The following SGCD variants were observed in gnomAD, a reference collection of about 807,000 sequenced individuals.
The protein encoded by SGCD is sarcoglycan delta.
In SGCD, 18 loss-of-function variants were observed where a neutral mutation model predicts 36.6. The observed-to-expected ratio is 0.49, with a 90% confidence interval of 0.34 to 0.73. SGCD has a LOEUF of 0.73. SGCD is among the 30% of genes least tolerant of loss of function. The probability of loss-of-function intolerance (pLI) is 0.01; values close to 1 mark genes in which losing one functional copy is unlikely to be tolerated. For synonymous variants in SGCD, 133 were observed against 130.6 expected (o/e 1.02, Z -0.12); for missense variants, 387 against 346.7 (o/e 1.12, Z -0.92).
At chr5:156,488,330 T>C (rs1296717554) in intron 3 of SGCD, among the ~76,000 whole-genome samples, 2 of 151,890 alleles carry the variant, frequency 1.3e-5, no homozygotes, top group African/African-American at 4.8e-5. Context: ...ACCCCCCAAA[T>C]GGATTCAACC....
intron 3 of SGCD, among the ~76,000 whole-genome samples, chr5:156,273,882 T>C (rs1234687062): frequency 6.6e-6 from 1 of 152,168 alleles, no homozygotes; most frequent in Non-Finnish European, 1.5e-5. Context: ...ATGTTTTTTG[T>C]TGGGAGCGTA....
chr5:156,643,490 T>G (rs1440430767), intron 6 of SGCD, among the ~76,000 whole-genome samples: 1 of 152,042 alleles, frequency 6.6e-6, no homozygotes, highest in East Asian at 1.9e-4. Context: ...GTGCTCCTCT[T>G]CTGGTACACA....
At chr5:156,590,177 C>T (rs189847138) in intron 5 of SGCD, among the ~76,000 whole-genome samples, 4 of 152,256 alleles carry the variant, frequency 2.6e-5, no homozygotes, top group African/African-American at 9.6e-5. Context: ...AAGCCAGTTA[C>T]CCAAATGCCT....
the SGCD span, among the ~76,000 whole-genome samples, chr5:155,834,859 G>A: frequency 1.4e-4 from 21 of 149,028 alleles, no homozygotes; most frequent in African/African-American, 4.7e-4. Flanking sequence ...TTCGTGAGAC[G>A]GACTCTCACT....
At chr5:155,935,499 A>C (rs1186411001) in intron 1 of SGCD, among the ~76,000 whole-genome samples, 1 of 152,230 alleles carries the variant, frequency 6.6e-6, no homozygotes, top group Non-Finnish European at 1.5e-5. Context: ...GAAGTAATGT[A>C]AAAGAATAAT....
At chr5:155,899,548 T>C (rs1756341462) in intron 1 of SGCD, among the ~76,000 whole-genome samples, 1 of 152,202 alleles carries the variant, frequency 6.6e-6, no homozygotes. Context: ...AATGTGTTTC[T>C]TCCCATGTGC....
the SGCD span, among the ~76,000 whole-genome samples, chr5:155,811,084 T>C: frequency 2.6e-5 from 4 of 152,040 alleles, no homozygotes; most frequent in African/African-American, 9.7e-5. Flanking sequence ...CCCAAAGTGC[T>C]GGGATTACAG....
chr5:156,628,684 C>G (rs1022218943), intron 6 of SGCD, among the ~76,000 whole-genome samples: 1 of 152,214 alleles, frequency 6.6e-6, no homozygotes, highest in Non-Finnish European at 1.5e-5. Flanking sequence ...CCATTCTAAT[C>G]ACCAAACCTC....
intron 6 of SGCD, among the ~76,000 whole-genome samples, chr5:156,605,221 C>A (rs1046622352): frequency 1.3e-5 from 2 of 152,038 alleles, no homozygotes; most frequent in Non-Finnish European, 2.9e-5. Context: ...CAACAACAGG[C>A]CTCGGTGTGT....
At chr5:156,321,145 C>T (rs542553051) in intron 3 of SGCD, among the ~76,000 whole-genome samples, 190 of 152,208 alleles carry the variant, frequency 1.2e-3, no homozygotes, top group African/African-American at 4.3e-3. Flanking sequence ...AACGGCTGGG[C>T]GCAGTGGCTC....
At chr5:156,387,607 A>G (rs1218256037) in intron 3 of SGCD, among the ~76,000 whole-genome samples, 1 of 152,204 alleles carries the variant, frequency 6.6e-6, no homozygotes, top group Non-Finnish European at 1.5e-5. Flanking sequence ...TAGCAGATGA[A>G]GAATTAGATG....
chr5:156,007,340 G>A (rs1758778521), intron 1 of SGCD, among the ~76,000 whole-genome samples: 1 of 152,100 alleles, frequency 6.6e-6, no homozygotes, highest in African/African-American at 2.4e-5. Context: ...TAAGATCTCT[G>A]TCTCCTTTCT....
At chr5:156,359,441 G>A (rs1296375355) in intron 3 of SGCD, among the ~76,000 whole-genome samples, 1 of 152,168 alleles carries the variant, frequency 6.6e-6, no homozygotes, top group East Asian at 1.9e-4. Flanking sequence ...AACAGCCCTA[G>A]AAGATGAGTC....
chr5:156,189,654 A>C (rs530740108), intron 3 of SGCD, among the ~76,000 whole-genome samples: 1 of 151,940 alleles, frequency 6.6e-6, no homozygotes, highest in African/African-American at 2.4e-5. Context: ...GGCTAAGGGC[A>C]TGAAAGGACA....
At chr5:156,003,806 A>C (rs987363558) in intron 1 of SGCD, among the ~76,000 whole-genome samples, 1 of 152,106 alleles carries the variant, frequency 6.6e-6, no homozygotes, top group Non-Finnish European at 1.5e-5. Context: ...GCCCCCATAG[A>C]TTTTCCCATT....
At chr5:156,719,000 A>G (rs1755357510) in intron 7 of SGCD, among the ~76,000 whole-genome samples, 1 of 151,990 alleles carries the variant, frequency 6.6e-6, no homozygotes, top group Non-Finnish European at 1.5e-5. Context: ...CTTACCCTTG[A>G]TGTCACAGCC....
chr5:156,404,991 G>T (rs1772334522), intron 3 of SGCD, among the ~76,000 whole-genome samples: 2 of 152,186 alleles, frequency 1.3e-5, no homozygotes, highest in South Asian at 4.2e-4. Context: ...CTAATCAATT[G>T]ATTTTGAGTT....
intron 3 of SGCD, among the ~76,000 whole-genome samples, chr5:156,501,029 C>T (rs969068645): frequency 6.6e-6 from 1 of 152,116 alleles, no homozygotes; most frequent in African/African-American, 2.4e-5. Flanking sequence ...CCTGGAGGTC[C>T]AAATGTTCTG....
the SGCD span, among the ~76,000 whole-genome samples, chr5:155,860,940 C>CA: frequency 6.6e-6 from 1 of 152,122 alleles, no homozygotes; most frequent in Non-Finnish European, 1.5e-5. Context: ...TACTCTTTGG[C>CA]ATATAATAAA....
Sources: gnomAD v4.1 joint callset for allele counts (sites outside exome capture counted in the v4.1 genomes callset) on GRCh38, gnomAD v4.1.1 for gene constraint, MANE v1.5 for transcripts, NCBI Gene and HGNC (gene_info 2026-07-23, HGNC 2026-07-21) for gene names.